RSPH9: variants seen among roughly 807,000 people sequenced by gnomAD.
RSPH9 encodes the protein radial spoke head component 9.
A neutral mutation model predicts 27.0 loss-of-function variants in RSPH9; 27 were observed. The ratio of observed to expected loss-of-function variants is 1.00; its 90% CI spans 0.74 to 1.38. RSPH9 has a LOEUF of 1.38. Ranked by LOEUF, RSPH9 falls within the 40% of genes most tolerant of loss-of-function variation. The probability of loss-of-function intolerance (pLI) is 0.00; values close to 1 mark genes in which losing one functional copy is unlikely to be tolerated. For synonymous variants in RSPH9, 145 were observed against 147.7 expected, an observed-to-expected ratio of 0.98 and a Z score of 0.13; for missense variants, 347 against 357.4, an observed-to-expected ratio of 0.97 and a Z score of 0.24.
intron 4 of RSPH9, among the ~76,000 whole-genome samples, chr6:43,664,380 G>A (rs1772930271): frequency 6.6e-6 from 1 of 152,180 alleles, no homozygotes; most frequent in Non-Finnish European, 1.5e-5. Flanking sequence ...ACAGGCGTGA[G>A]CCACTGCACC....
chr6:43,659,548 A>G (rs1387093769), intron 4 of RSPH9, among the ~76,000 whole-genome samples: 1 of 150,864 alleles, frequency 6.6e-6, no homozygotes, highest in African/African-American at 2.4e-5. Flanking sequence ...ACGGCTGGCT[A>G]ATTTTTTGTA....
intron 4 of RSPH9, among the ~76,000 whole-genome samples, chr6:43,669,727 G>A (rs1773523299): frequency 6.6e-6 from 1 of 152,270 alleles, no homozygotes; most frequent in African/African-American, 2.4e-5. Flanking sequence ...TCTGCATCCA[G>A]AGGCGATTTT....
chr6:43,657,106 C>T (rs1241142387), intron 4 of RSPH9, among the ~76,000 whole-genome samples: 1 of 152,156 alleles, frequency 6.6e-6, no homozygotes, highest in Non-Finnish European at 1.5e-5. Flanking sequence ...TAATGCTTGG[C>T]CCATAGCTGG....
chr6:43,667,681 C>CCCTCCT (rs144382749), intron 4 of RSPH9, among the ~76,000 whole-genome samples: 4 of 151,880 alleles, frequency 2.6e-5, no homozygotes, highest in South Asian at 2.1e-4. Context: ...AGAGGTTTCT[C>CCCTCCT]CCTCCTCCTC....
Position 43,671,618 on chromosome 6 carries a change from C to G in RSPH9, c.*669C>G. On this transcript the variant is annotated 3_prime_UTR_variant, in exon 5 of 5. Coordinates refer to ENST00000372163, the MANE Select transcript of RSPH9 (RefSeq NM_152732.5). ...AGGCCAAGGGTACTGAAGTTAGTCC[C>G]ACTGTCCCCTGTCCATGCATGTTGG... is the stretch of plus-strand genomic sequence containing the variant. The G allele has an allele frequency of 1.1e-6, 1 of 942,986 alleles. No individual in the cohort carries two copies. The highest frequency in any genetic ancestry group is 2.5e-5 in the East Asian group (1 of 40,110). The allele number at this position is 942,986 out of a possible 1,614,324, so 58.4% of individuals were successfully genotyped here.
Position 43,672,213 on chromosome 6 carries a change from C to A in RSPH9, c.*1264C>A. 4.3e-6 allele frequency: 2 copies of A among 469,038 alleles called. No individual in the cohort carries two copies. Among genetic ancestry groups the A allele is most frequent in the South Asian group, 4.2e-5 (2 of 47,992 alleles). 29.1% of individuals were successfully genotyped at this position (469,038 alleles called of 1,614,324 possible). ...TGCTGAGGAAAAGGTGGCGAAGAGG[C>A]TGCCTGAAGAGCAGATCATTCCTCT... On this transcript the variant is annotated 3_prime_UTR_variant, in exon 5 of 5. Coordinates refer to ENST00000372163, the MANE Select transcript of RSPH9 (RefSeq NM_152732.5).
rs753489926 is a variant in RSPH9 at position 43,670,801 on chromosome 6, T to C, written c.683T>C (p.Ile228Thr). Residue 228 changes from isoleucine (I) to threonine (T), a missense_variant, in exon 5 of 5, where the codon ATC becomes ACC. Physicochemically the swap from Ile to Thr is moderately conservative, Grantham distance 89 (BLOSUM62 -1). Coordinates refer to ENST00000372163, the MANE Select transcript of RSPH9 (RefSeq NM_152732.5). ...EHDIPKGSWS[I>T]QMERGNALVV... ...TGTCTTATCTCAGGGTCCTGGAGCA[T>C]CCAGATGGAGAGGGGCAATGCCCTG... The C allele has an allele frequency of 6.2e-6, 10 of 1,614,062 alleles. No homozygotes were observed. Among genetic ancestry groups the C allele is most frequent in the Non-Finnish European group, 5.9e-6 (7 of 1,180,006 alleles).
At chr6:43,650,623 C>A (rs1771347270) in intron 2 of RSPH9, 83 bp downstream of exon 2, 3 of 1,492,154 alleles carry the variant, frequency 2.0e-6, no homozygotes, top group Non-Finnish European at 2.8e-6. Context: ...ATTATGGCAA[C>A]AGGCTGGGCA....
chr6:43,667,819 C>G (rs1325258396), intron 4 of RSPH9, among the ~76,000 whole-genome samples: 4 of 151,970 alleles, frequency 2.6e-5, no homozygotes, highest in African/African-American at 9.7e-5. Flanking sequence ...TGTTGGTGCT[C>G]ATCTGAGAGG....
chr6:43,670,197 C>T (rs1391327718), intron 4 of RSPH9, among the ~76,000 whole-genome samples: 2 of 152,228 alleles, frequency 1.3e-5, no homozygotes, highest in African/African-American at 4.8e-5. Context: ...GCCTCCTCCC[C>T]CACTCAACCT....
rs1773667177 is a variant in RSPH9, at chr6:43,670,957, G to A, written c.*8G>A. 6.2e-7 allele frequency: 1 copy of A among 1,614,008 alleles called. No individual in the cohort carries two copies. The highest frequency in any genetic ancestry group is 1.3e-5 in the African/African-American group (1 of 74,924). On this transcript the variant is annotated 3_prime_UTR_variant, in exon 5 of 5. Coordinates refer to ENST00000372163, the MANE Select transcript of RSPH9 (RefSeq NM_152732.5). ...TTGCCCTTCATGCTATAGAATGGGAGCCAGCCTGGATGTTTTTAAACAGAG... is the reference window on the plus strand; with the variant it reads ...TTGCCCTTCATGCTATAGAATGGGAACCAGCCTGGATGTTTTTAAACAGAG...
intron 2 of RSPH9, 21 bp from the exon 3 acceptor site, chr6:43,655,541 G>T: frequency 6.2e-7 from 1 of 1,614,062 alleles, no homozygotes; most frequent in Non-Finnish European, 8.5e-7. Flanking sequence ...TGGCAGGGGG[G>T]CTCCTCTCCT....
intron 3 of RSPH9, among the ~76,000 whole-genome samples, chr6:43,656,129 A>C (rs754110595): frequency 9.9e-5 from 13 of 131,524 alleles, no homozygotes; most frequent in East Asian, 6.7e-4. Flanking sequence ...CTTGTCATCC[A>C]GGCTGGAGTG....
At chr6:43,646,925 A>C (rs1284849192) in intron 1 of RSPH9, among the ~76,000 whole-genome samples, 2 of 150,668 alleles carry the variant, frequency 1.3e-5, no homozygotes, top group East Asian at 3.9e-4. Context: ...CACGCACTCC[A>C]GCCTGGGTGA....
Position 43,671,073 on chromosome 6 carries a change from G to C in RSPH9, c.*124G>C. ...CCACCTCCGTCTGGTTCCAGATTCT[G>C]AAAGGCCCACTGAGCCAGGGAGCTC... On this transcript the variant is annotated 3_prime_UTR_variant, in exon 5 of 5. Transcript: ENST00000372163. The C allele has an allele frequency of 8.0e-7, 1 of 1,254,360 alleles. No individual in the cohort carries two copies. Among genetic ancestry groups the C allele is most frequent in the South Asian group, 1.3e-5 (1 of 75,598 alleles). The allele number at this position is 1,254,360 out of a possible 1,614,324, so 77.7% of individuals were successfully genotyped here.
rs1396346974 is a variant in RSPH9 at position 43,671,836 on chromosome 6, G to C, written c.*887G>C. The C allele has an allele frequency of 1.9e-6, 3 of 1,613,998 alleles. No homozygotes were observed. The highest frequency in any genetic ancestry group is 2.7e-5 in the African/African-American group (2 of 74,936). Reference sequence around the variant, plus strand: ...AGAAGGGGTGACCCCACGGGCATGCGCACCCTGTTCCAGCGGGGGCCTTTT... The same window carrying C: ...AGAAGGGGTGACCCCACGGGCATGCCCACCCTGTTCCAGCGGGGGCCTTTT... On this transcript the variant is annotated 3_prime_UTR_variant, in exon 5 of 5. Transcript: ENST00000372163.
intron 2 of RSPH9, among the ~76,000 whole-genome samples, chr6:43,655,185 TA>T (rs2127905112): frequency 6.6e-6 from 1 of 152,306 alleles, no homozygotes; most frequent in South Asian, 2.1e-4. Flanking sequence ...TTTTATATTT[TA>T]AAAAGGCAAA....
Position 43,645,169 on chromosome 6 carries a change from G to A in RSPH9, c.71G>A (p.Arg24His), listed in dbSNP as rs1367247726. The change falls in exon 1 of 5, where the codon CGT (arginine) becomes CAT (histidine). Residue 24 changes from arginine to histidine, a missense_variant. Transcript: ENST00000372163. Reference protein sequence around the residue: ...SGSGQGLSPDRRASLLTSLML... With the variant: ...SGSGQGLSPDHRASLLTSLML... ...AGTGGGCAGGGCCTCAGCCCGGACC[G>A]TCGGGCCTCGCTGCTCACGTCTCTT... The A allele has an allele frequency of 8.1e-6, 13 of 1,613,552 alleles. No individual in the cohort carries two copies. The highest frequency in any genetic ancestry group is 1.1e-5 in the Non-Finnish European group (13 of 1,180,008).
At chr6:43,646,352 T>G (rs1015185923) in intron 1 of RSPH9, among the ~76,000 whole-genome samples, 3 of 151,756 alleles carry the variant, frequency 2.0e-5, no homozygotes, top group Non-Finnish European at 4.4e-5. Flanking sequence ...GCTAGGATGG[T>G]CTCGATCTCC....
Sources: gnomAD v4.1 joint callset for allele counts (sites outside exome capture counted in the v4.1 genomes callset) on GRCh38, gnomAD v4.1.1 for gene constraint, MANE v1.5 for transcripts, NCBI Gene and HGNC (gene_info 2026-07-23, HGNC 2026-07-21) for gene names.